The following ANK3 variants were observed in gnomAD, a reference collection of about 807,000 sequenced individuals.
ANK3 encodes ankyrin 3, also known as ankyrin-3.
Under a neutral mutation model 370.9 loss-of-function variants are expected in ANK3, and 57 were observed. That is an observed-to-expected ratio of 0.15 (90% confidence interval 0.12 to 0.19). The LOEUF is 0.19. Ranked by LOEUF, ANK3 falls within the 10% of genes least tolerant of loss-of-function variation. The pLI, the probability that ANK3 is intolerant of heterozygous loss-of-function variation, is 1.00. For missense variants in ANK3, 4,439 were observed against 5,302.1 expected, an observed-to-expected ratio of 0.84 and a Z score of 5.06; for synonymous variants, 1,929 against 1,946.3, an observed-to-expected ratio of 0.99 and a Z score of 0.23.
chr10:60,309,381 C>G (rs753890124), intron 1 of ANK3, among the ~76,000 whole-genome samples: 1 of 152,086 alleles, frequency 6.6e-6, no homozygotes, highest in Non-Finnish European at 1.5e-5. Flanking sequence ...CTTTTTTCTC[C>G]TTCTCTGAGG....
rs776517328 is a variant in ANK3, at chr10:60,638,909, T to C, written c.58-23685A>G. On this transcript the variant is annotated intron_variant, in intron 1 of 43. Transcript: ENST00000373827. ...ACCAGTGGGACAATATCAAGCAGTCTAACATGTATAATTGTAGTCTCAAAG... is the reference window on the plus strand; with the variant it reads ...ACCAGTGGGACAATATCAAGCAGTCCAACATGTATAATTGTAGTCTCAAAG... 4.2e-4 allele frequency among the ~76,000 whole-genome samples: 62 copies of C among 146,762 alleles called. 2 individuals are homozygous for C. The Middle Eastern group carries it at 0.017, about 40-fold the overall frequency.
chr10:60,697,481 T>C (rs968086055), intron 1 of ANK3, among the ~76,000 whole-genome samples: 46 of 150,998 alleles, frequency 3.0e-4, no homozygotes, highest in African/African-American at 1.1e-3. Flanking sequence ...GCTGGAGGCA[T>C]CACGCTACCT....
At chr10:60,207,352 A>G (rs1288617023) in intron 10 of ANK3, among the ~76,000 whole-genome samples, 1 of 152,220 alleles carries the variant, frequency 6.6e-6, no homozygotes, top group Admixed American at 6.5e-5. Context: ...CAAAATTGCT[A>G]GTAAACTCAC....
At chr10:60,136,431 G>A (rs954686971) in intron 24 of ANK3, among the ~76,000 whole-genome samples, 5 of 152,114 alleles carry the variant, frequency 3.3e-5, no homozygotes, top group Middle Eastern at 3.4e-3. Flanking sequence ...GAGAGTCGCC[G>A]GCCACTCTCT....
chr10:60,247,650 A>G (rs964469572), intron 7 of ANK3, among the ~76,000 whole-genome samples: 1 of 152,076 alleles, frequency 6.6e-6, no homozygotes, highest in African/African-American at 2.4e-5. Flanking sequence ...TATTTCACTC[A>G]GCATTTTATT....
chr10:60,299,177 C>A (rs1297807102), intron 1 of ANK3, among the ~76,000 whole-genome samples: 3 of 152,106 alleles, frequency 2.0e-5, no homozygotes, highest in Admixed American at 2.0e-4. Context: ...TAAAATCTCA[C>A]TTGATTAAAA....
chr10:60,697,926 C>T (rs1394334607), intron 1 of ANK3, among the ~76,000 whole-genome samples: 5,956 of 151,422 alleles, frequency 0.039, 148 homozygotes, highest in South Asian at 0.068. Context: ...AACTAAAGAG[C>T]TTCTGCACAG....
intron 23 of ANK3, chr10:60,139,394 G>T: frequency 3.5e-6 from 1 of 288,356 alleles, no homozygotes; most frequent in Non-Finnish European, 6.4e-6. Flanking sequence ...GATGTTTTAT[G>T]TCAGTTATAG....
intron 1 of ANK3, among the ~76,000 whole-genome samples, chr10:60,670,066 C>T (rs1021745363): frequency 6.6e-6 from 1 of 152,052 alleles, no homozygotes; most frequent in African/African-American, 2.4e-5. Context: ...CTCAAGGGAT[C>T]CTTTCGTCTC....
intron 2 of ANK3, among the ~76,000 whole-genome samples, chr10:60,567,164 C>A (rs184156249): frequency 1.3e-5 from 2 of 152,202 alleles, no homozygotes; most frequent in Non-Finnish European, 1.5e-5. Context: ...GTAGGCAAGA[C>A]AGCCCTATAC....
intron 6 of ANK3, 144 bp from the exon 7 acceptor site, chr10:60,262,101 T>C: frequency 1.5e-6 from 1 of 649,044 alleles, no homozygotes; most frequent in Non-Finnish European, 2.6e-6. Flanking sequence ...TTTCGATCAG[T>C]GCCAATTGCT....
chr10:60,078,897 G>A (rs2084442277), intron 36 of ANK3, among the ~76,000 whole-genome samples: 5 of 152,090 alleles, frequency 3.3e-5, no homozygotes, highest in Admixed American at 3.3e-4. Flanking sequence ...AGGAACACAA[G>A]CTGCATACAC....
chr10:60,500,169 G>A (rs1033803566), intron 2 of ANK3, among the ~76,000 whole-genome samples: 9 of 152,126 alleles, frequency 5.9e-5, no homozygotes, highest in South Asian at 2.1e-4. Context: ...CACGATCAGA[G>A]CAGTTCCAAG....
chr10:60,420,439 A>AT (rs2063755135), intron 2 of ANK3, among the ~76,000 whole-genome samples: 1 of 152,062 alleles, frequency 6.6e-6, no homozygotes, highest in Non-Finnish European at 1.5e-5. Flanking sequence ...CAGAAGAGAG[A>AT]GAATGACCCC....
At chr10:60,503,170 G>A (rs1338628236) in intron 2 of ANK3, among the ~76,000 whole-genome samples, 1 of 152,146 alleles carries the variant, frequency 6.6e-6, no homozygotes, top group African/African-American at 2.4e-5. Context: ...TTTATCATCA[G>A]AGGACTTTGG....
chr10:60,366,170 T>A (rs2059361548), intron 1 of ANK3, among the ~76,000 whole-genome samples: 1 of 151,984 alleles, frequency 6.6e-6, no homozygotes, highest in Non-Finnish European at 1.5e-5. Context: ...AAATCCCGTC[T>A]CTACTAAAAA....
At chr10:60,178,949 G>T (rs1342847029) in intron 18 of ANK3, among the ~76,000 whole-genome samples, 1 of 152,062 alleles carries the variant, frequency 6.6e-6, no homozygotes, top group African/African-American at 2.4e-5. Context: ...CAGCAAACTG[G>T]AGGGGTGCGG....
intron 2 of ANK3, among the ~76,000 whole-genome samples, chr10:60,530,897 G>T (rs1035101889): frequency 6.6e-6 from 1 of 152,008 alleles, no homozygotes; most frequent in Non-Finnish European, 1.5e-5. Flanking sequence ...CCAAGAACAT[G>T]GCCTTGAAGG....
intron 2 of ANK3, among the ~76,000 whole-genome samples, chr10:60,456,473 G>A (rs964071474): frequency 2.6e-5 from 4 of 152,106 alleles, no homozygotes; most frequent in Admixed American, 2.6e-4. Flanking sequence ...CTCCTACCCT[G>A]ATCTCACAGA....
Sources: allele counts gnomAD v4.1 joint callset (sites outside exome capture counted in the v4.1 genomes callset), GRCh38; gene constraint gnomAD v4.1.1; transcripts MANE v1.5; gene names NCBI Gene and HGNC (gene_info 2026-07-23, HGNC 2026-07-21).